DDX60L: variants seen among roughly 807,000 people sequenced by gnomAD.
The protein encoded by DDX60L is DExD/H-box 60 like, also known as probable ATP-dependent RNA helicase DDX60-like.
DDX60L carries 191 observed loss-of-function variants against 211.6 expected under a neutral mutation model. The ratio of observed to expected loss-of-function variants is 0.90; its 90% CI spans 0.80 to 1.02. The LOEUF (loss-of-function observed/expected upper bound fraction) is 1.02. Among genes scored for constraint, DDX60L ranks in the 50% least tolerant of loss-of-function variants. The pLI is 0.00. For missense variants in DDX60L, 2,007 were observed against 1,984.1 expected, an observed-to-expected ratio of 1.01 and a Z score of -0.22; for synonymous variants, 706 against 694.1, an observed-to-expected ratio of 1.02 and a Z score of -0.27.
chr4:168,453,231 G>C lies in DDX60L; in HGVS notation c.889C>G (p.Arg297Gly). ...AGTTGAAAAGCCACACAGAGGCAACGCAGTCTGCAGAAATCTTCCACCTCC... is the reference window on the plus strand; with the variant it reads ...AGTTGAAAAGCCACACAGAGGCAACCCAGTCTGCAGAAATCTTCCACCTCC... ...LQEVEDFCRLRCLCVAFQLHL... is the reference protein window; with the variant it reads ...LQEVEDFCRLGCLCVAFQLHL... Residue 297 changes from arginine (R) to glycine (G), a missense_variant, in exon 8 of 38, where the codon CGT (arginine) becomes GGT (glycine). Coordinates refer to ENST00000682922, the MANE Select transcript of DDX60L (RefSeq NM_001012967.3). 6.2e-7 allele frequency: 1 copy of C among 1,612,936 alleles called. No homozygotes were observed. Among genetic ancestry groups the C allele is most frequent in the South Asian group, 1.1e-5 (1 of 90,926 alleles).
chr4:168,390,565 A>G, intron 29 of DDX60L: 2 of 1,077,996 alleles, frequency 1.9e-6, no homozygotes, highest in Non-Finnish European at 2.6e-6. Context: ...AAATTTCAAG[A>G]ATAAGCAAAA....
chr4:168,436,475 TCTC>T (rs1277944667), intron 10 of DDX60L, among the ~76,000 whole-genome samples: 1 of 152,252 alleles, frequency 6.6e-6, no homozygotes, highest in African/African-American at 2.4e-5. Context: ...CTTACCATAT[TCTC>T]CATCATCCTG....
chr4:168,387,197 T>C (rs558470583), intron 29 of DDX60L, among the ~76,000 whole-genome samples: 1 of 152,254 alleles, frequency 6.6e-6, no homozygotes, highest in South Asian at 2.1e-4. Flanking sequence ...ATGCATGCTG[T>C]GTTCTCAGAA....
Position 168,461,959 on chromosome 4 carries a change from T to C in DDX60L, c.346A>G (p.Asn116Asp). 7 of 1,613,462 alleles carry C rather than the reference T, an allele frequency of 4.3e-6. No individual in the cohort carries two copies. The highest frequency in any genetic ancestry group is 5.9e-6 in the Non-Finnish European group (7 of 1,179,686). Residue 116 changes from asparagine to aspartate, a missense_variant, in exon 5 of 38, where the codon AAC becomes GAC. Transcript: ENST00000682922. ...GAAAACTCCGTTTGCACATCAATGT[T>C]AGTATTGTGTTGAAGGTGGAGAATT... Reference protein sequence around the residue: ...ALILHLQHNTNIDVQTEFSGC... With the variant: ...ALILHLQHNTDIDVQTEFSGC...
chr4:168,390,600 T>A (rs1744624756), intron 29 of DDX60L: 1 of 896,926 alleles, frequency 1.1e-6, no homozygotes, highest in Non-Finnish European at 1.6e-6. Context: ...TTTTATAATT[T>A]ATCTTTTATA....
At chr4:168,465,673 A>G (rs1288305141) in intron 4 of DDX60L, among the ~76,000 whole-genome samples, 1 of 152,154 alleles carries the variant, frequency 6.6e-6, no homozygotes, top group Non-Finnish European at 1.5e-5. Flanking sequence ...ATTTTTTAAT[A>G]TAGTGAAAGT....
intron 13 of DDX60L, among the ~76,000 whole-genome samples, chr4:168,429,414 T>C (rs1026090626): frequency 2.0e-5 from 3 of 152,228 alleles, no homozygotes; most frequent in Non-Finnish European, 2.9e-5. Context: ...CCTCCCAAAG[T>C]GCTGGGATTA....
rs1166662391 is a variant in DDX60L at position 168,402,396 on chromosome 4, C to T, written c.3339-1418G>A. On this transcript the variant is annotated intron_variant, in intron 25 of 37. Transcript: ENST00000682922. The stretch of plus-strand genomic sequence containing the variant: ...AGAATTAATTTTCCTTTTTCAATCC[C>T]TCTGATAATCTATGACAAGAGTCCA... Among the ~76,000 whole-genome samples, 3 of 151,658 alleles carry T rather than the reference C, an allele frequency of 2.0e-5. No homozygotes were observed. In the East Asian group the frequency reaches 5.8e-4, roughly 29 times the overall value.
chr4:168,394,183 G>A (rs545479934), intron 28 of DDX60L, among the ~76,000 whole-genome samples: 148 of 151,170 alleles, frequency 9.8e-4, no homozygotes, highest in African/African-American at 3.5e-3. Flanking sequence ...AAAACAGAGC[G>A]AGACTCGATC....
Position 168,427,122 on chromosome 4 carries a change from C to T in DDX60L, c.1878G>A (p.Met626Ile). The T allele has an allele frequency of 1.2e-6, 2 of 1,607,550 alleles. No individual in the cohort carries two copies. The highest frequency in any genetic ancestry group is 1.1e-5 in the South Asian group (1 of 90,080). Residue 626 changes from methionine (M) to isoleucine (I), a missense_variant, in exon 14 of 38, where the codon ATG becomes ATA. Met to Ile is a conservative substitution (Grantham distance 10, BLOSUM62 1). Transcript: ENST00000682922. ...CTTTAAAGCAGGCAATTAATCCTAA[C>T]ATTTCAACTCCAAATTTCACTGAAT... is the stretch of plus-strand genomic sequence containing the variant. ...ASNSVKFGVEMLGLIACFKAW... is the reference protein window; with the variant it reads ...ASNSVKFGVEILGLIACFKAW...
rs539267006 is a variant in DDX60L at position 168,379,484 on chromosome 4, A to G, written c.4242T>C (p.Gly1414=). 8 of 1,580,670 alleles carry G rather than the reference A, an allele frequency of 5.1e-6. No individual in the cohort carries two copies. Among genetic ancestry groups the G allele is most frequent in the African/African-American group, 1.4e-5 (1 of 72,982 alleles). The change falls in exon 32 of 38, where the codon GGT becomes GGC. Residue 1414 remains glycine, a synonymous_variant. Transcript: ENST00000682922. Reference sequence around the variant, plus strand: ...CAAGTCCTGCAAATTTCTTTGGATTACCCTTTTTATTTAAATAGTCCTAAA... The same window carrying G: ...CAAGTCCTGCAAATTTCTTTGGATTGCCCTTTTTATTTAAATAGTCCTAAA... ...LIKEDYLNKK[G]NPKKFAGLAS...
chr4:168,386,976 G>A (rs1425975747), intron 29 of DDX60L, among the ~76,000 whole-genome samples: 1 of 152,198 alleles, frequency 6.6e-6, no homozygotes, highest in Non-Finnish European at 1.5e-5. Flanking sequence ...CCCTAGAGTA[G>A]AATTAGCCAT....
intron 36 of DDX60L, among the ~76,000 whole-genome samples, chr4:168,364,611 C>T (rs755518364): frequency 6.6e-6 from 1 of 152,134 alleles, no homozygotes; most frequent in Non-Finnish European, 1.5e-5. Context: ...GAACTCCTGA[C>T]CTCAAGTGAT....
chr4:168,375,022 T>G (rs1741693684), intron 34 of DDX60L, among the ~76,000 whole-genome samples: 1 of 152,188 alleles, frequency 6.6e-6, no homozygotes, highest in African/African-American at 2.4e-5. Flanking sequence ...GGGAAAAAAA[T>G]GCCAGAAATT....
In DDX60L at chr4:168,427,105, C is replaced by T. The variant is rs749707938; in HGVS notation, c.1895G>A (p.Cys632Tyr). ...GCAATGTTTTTTCCATGCTTTAAAG[C>T]AGGCAATTAATCCTAACATTTCAAC... ...FGVEMLGLIA[C>Y]FKAWKKHCRG... The change falls in exon 14 of 38, where the codon TGC becomes TAC. Residue 632 changes from cysteine (C) to tyrosine (Y), a missense_variant. By Grantham distance (194) the Cys-to-Tyr change is radical. Transcript: ENST00000682922. 1 of 1,606,352 alleles carries T rather than the reference C, an allele frequency of 6.2e-7. No homozygotes were observed. Among genetic ancestry groups the T allele is most frequent in the Non-Finnish European group, 8.5e-7 (1 of 1,175,488 alleles).
chr4:168,383,431 T>C (rs1190599860), intron 30 of DDX60L, among the ~76,000 whole-genome samples: 1 of 152,204 alleles, frequency 6.6e-6, no homozygotes, highest in Non-Finnish European at 1.5e-5. Flanking sequence ...TACAAGTAGA[T>C]TTTTAAAGGC....
chr4:168,459,099 C>T (rs1421116790), intron 5 of DDX60L, among the ~76,000 whole-genome samples: 1 of 151,654 alleles, frequency 6.6e-6, no homozygotes, highest in Non-Finnish European at 1.5e-5. Context: ...TTTAAACAGT[C>T]CAAAGGGGGT....
intron 30 of DDX60L, among the ~76,000 whole-genome samples, chr4:168,381,657 T>C (rs1484214063): frequency 2.0e-5 from 3 of 151,390 alleles, no homozygotes; most frequent in Admixed American, 1.3e-4. Context: ...AGGATCCATA[T>C]ACATGGGCAG....
chr4:168,423,841 A>C, intron 14 of DDX60L, 67 bp from the exon 15 acceptor site: 1 of 1,039,186 alleles, frequency 9.6e-7, no homozygotes, highest in Non-Finnish European at 1.4e-6. Flanking sequence ...ACTTACGACA[A>C]TCATTGAGTT....
Sources: allele counts gnomAD v4.1 joint callset (sites outside exome capture counted in the v4.1 genomes callset), GRCh38; gene constraint gnomAD v4.1.1; transcripts MANE v1.5; gene names NCBI Gene and HGNC (gene_info 2026-07-23, HGNC 2026-07-21).